The following PRKAR1B variants were observed in gnomAD, a reference collection of about 807,000 sequenced individuals.
PRKAR1B encodes protein kinase cAMP-dependent type I regulatory subunit beta, also known as cAMP-dependent protein kinase type I-beta regulatory subunit.
PRKAR1B carries 22 observed loss-of-function variants against 46.5 expected under a neutral mutation model. That is an observed-to-expected ratio of 0.47 (90% CI 0.34 to 0.68). The LOEUF is 0.68. PRKAR1B is among the 30% of genes least tolerant of loss of function. PRKAR1B has a pLI of 0.01. For missense variants in PRKAR1B, 445 were observed against 535.6 expected (o/e 0.83, Z 1.67); for synonymous variants, 259 against 217.7 (o/e 1.19, Z -1.67).
intron 4 of PRKAR1B, among the ~76,000 whole-genome samples, chr7:614,189 T>C (rs148431121): frequency 0.022 from 3,381 of 152,324 alleles, 145 homozygotes; most frequent in African/African-American, 0.077. Flanking sequence ...GTCCATAGTC[T>C]GGCTACATCT....
chr7:683,857 G>A (rs1005984399), intron 2 of PRKAR1B, among the ~76,000 whole-genome samples: 3 of 152,226 alleles, frequency 2.0e-5, no homozygotes, highest in South Asian at 2.1e-4. Context: ...CGATGTGGCC[G>A]TCTGTCAATC....
intron 1 of PRKAR1B, chr7:712,280 C>T (rs971507300): frequency 1.3e-5 from 2 of 150,468 alleles, no homozygotes; most frequent in African/African-American, 4.9e-5. Flanking sequence ...GGACCCCTGA[C>T]CGGGAGCCCC....
chr7:601,444 A>C (rs1781589191), intron 6 of PRKAR1B, among the ~76,000 whole-genome samples: 1 of 152,240 alleles, frequency 6.6e-6, no homozygotes, highest in African/African-American at 2.4e-5. Context: ...ACATATGCCC[A>C]TAACTCACCC....
chr7:550,667 T>A, intron 10 of PRKAR1B, 65 bp from the exon 11 acceptor site: 1 of 1,383,008 alleles, frequency 7.2e-7, no homozygotes, highest in South Asian at 1.5e-5. Context: ...AGGGAAAGAT[T>A]ATGTCCAGGA....
chr7:580,092 G>A (rs991860448), intron 8 of PRKAR1B, among the ~76,000 whole-genome samples: 6 of 152,016 alleles, frequency 3.9e-5, no homozygotes, highest in Middle Eastern at 3.4e-3. Flanking sequence ...TTAGCCAGGC[G>A]TGGTGGTGTA....
intron 1 of PRKAR1B, among the ~76,000 whole-genome samples, chr7:721,981 TTTAA>T (rs1443646940): frequency 6.6e-6 from 1 of 152,014 alleles, no homozygotes; most frequent in Non-Finnish European, 1.5e-5. Flanking sequence ...TTTCCAGGAG[TTTAA>T]TTGTGATGTG....
intron 1 of PRKAR1B, among the ~76,000 whole-genome samples, chr7:721,775 G>T (rs1198474830): frequency 3.3e-5 from 5 of 152,108 alleles, no homozygotes; most frequent in African/African-American, 1.2e-4. Context: ...TTCCATTCCT[G>T]AAGGATAGTT....
chr7:584,395 T>A, intron 8 of PRKAR1B, 113 bp downstream of exon 8: 1 of 876,584 alleles, frequency 1.1e-6, no homozygotes, highest in Non-Finnish European at 1.9e-6. Context: ...CAAACCTCCA[T>A]AATACCAACA....
chr7:571,584 C>T (rs1375963892), intron 9 of PRKAR1B, among the ~76,000 whole-genome samples: 1 of 152,244 alleles, frequency 6.6e-6, no homozygotes, highest in African/African-American at 2.4e-5. Context: ...CCCATAGCAA[C>T]ACCTCCCAGG....
rs552226926 is a variant in PRKAR1B, at chr7:567,537, A to G, written c.891+11719T>C. On this transcript the variant is annotated intron_variant, in intron 9 of 10. Transcript: ENST00000537384. Reference sequence around the variant, plus strand: ...CTTCATCACCATCACCATCATCACTATCACCATCATCATCACCATCACCTT... The same window carrying G: ...CTTCATCACCATCACCATCATCACTGTCACCATCATCATCACCATCACCTT... Among the ~76,000 whole-genome samples the G allele has an allele frequency of 6.8e-3, 1,015 of 148,512 alleles. 6 individuals carry two copies. The highest frequency in any genetic ancestry group is 0.023 in the African/African-American group (944 of 40,434).
chr7:594,108 C>T (rs565575466), intron 7 of PRKAR1B, among the ~76,000 whole-genome samples: 23 of 152,126 alleles, frequency 1.5e-4, no homozygotes, highest in Non-Finnish European at 2.6e-4. Context: ...CATCCTAAAC[C>T]ATCCCCCAGG....
chr7:715,827 T>C (rs1021896765), intron 1 of PRKAR1B, among the ~76,000 whole-genome samples: 2 of 151,316 alleles, frequency 1.3e-5, no homozygotes, highest in South Asian at 2.1e-4. Flanking sequence ...GCCATTCTCC[T>C]GCCTCAGCCT....
intron 2 of PRKAR1B, among the ~76,000 whole-genome samples, chr7:690,747 T>C (rs908860899): frequency 6.6e-6 from 1 of 152,158 alleles, no homozygotes; most frequent in African/African-American, 2.4e-5. Context: ...AGGAAGGGGC[T>C]GGTGCTTCTC....
At chr7:675,881 G>C (rs1786553004) in intron 4 of PRKAR1B, among the ~76,000 whole-genome samples, 1 of 152,122 alleles carries the variant, frequency 6.6e-6, no homozygotes, top group Non-Finnish European at 1.5e-5. Flanking sequence ...AGGTGGCGGA[G>C]GTTGAAGTGA....
intron 9 of PRKAR1B, among the ~76,000 whole-genome samples, chr7:556,098 G>A (rs549446118): frequency 1.3e-5 from 2 of 152,236 alleles, no homozygotes; most frequent in Admixed American, 1.3e-4. Context: ...CTCGGCTCCT[G>A]GCTGTCTCCA....
intron 9 of PRKAR1B, among the ~76,000 whole-genome samples, chr7:566,709 T>C (rs113588508): frequency 0.67 from 4 of 6 alleles, 2 homozygotes; most frequent in Non-Finnish European, 0.67. Flanking sequence ...TTCATCATCA[T>C]CACCATCATC....
At chr7:575,490 T>G (rs1779767282) in intron 9 of PRKAR1B, among the ~76,000 whole-genome samples, 1 of 152,152 alleles carries the variant, frequency 6.6e-6, no homozygotes, top group Non-Finnish European at 1.5e-5. Context: ...GGGGTTAGAC[T>G]CCCCTTTTCC....
At chr7:711,133 C>G (rs1223953514) in intron 2 of PRKAR1B, among the ~76,000 whole-genome samples, 196 bp downstream of exon 2, 1 of 152,142 alleles carries the variant, frequency 6.6e-6, no homozygotes, top group Non-Finnish European at 1.5e-5. Context: ...GCATGAATCT[C>G]GGGAGACCAA....
chr7:572,041 G>A (rs1053427234), intron 9 of PRKAR1B, among the ~76,000 whole-genome samples: 8 of 150,666 alleles, frequency 5.3e-5, no homozygotes, highest in South Asian at 4.2e-4. Flanking sequence ...TAGAGCTCCT[G>A]GGGCCTGGGG....
Sources: allele counts gnomAD v4.1 joint callset (sites outside exome capture counted in the v4.1 genomes callset), GRCh38; gene constraint gnomAD v4.1.1; transcripts MANE v1.5; gene names NCBI Gene and HGNC (gene_info 2026-07-23, HGNC 2026-07-21).